The following AFDN variants were observed in gnomAD, a reference collection of about 807,000 sequenced individuals.
AFDN encodes the protein afadin, adherens junction formation factor.
A neutral mutation model predicts 216.6 loss-of-function variants in AFDN; 68 were observed. The observed-to-expected ratio is 0.31, with a 90% confidence interval of 0.26 to 0.38. The LOEUF is 0.38. Among genes scored for constraint, AFDN ranks in the 10% least tolerant of loss-of-function variants. The probability of loss-of-function intolerance (pLI) is 1.00; values close to 1 mark genes in which losing one functional copy is unlikely to be tolerated. For synonymous variants in AFDN, 868 were observed against 853.7 expected (o/e 1.02, Z -0.29); for missense variants, 2,136 against 2,342.0 (o/e 0.91, Z 1.82).
At chr6:167,866,914 G>A (rs1393335072) in intron 2 of AFDN, among the ~76,000 whole-genome samples, 2 of 152,176 alleles carry the variant, frequency 1.3e-5, no homozygotes, top group East Asian at 1.9e-4. Flanking sequence ...GTGAGCTAAA[G>A]CCCCAGCCCC....
chr6:167,829,217 A>G (rs1779554240), intron 1 of AFDN, among the ~76,000 whole-genome samples: 1 of 152,140 alleles, frequency 6.6e-6, no homozygotes, highest in Non-Finnish European at 1.5e-5. Flanking sequence ...AAGAATGTCC[A>G]TATATTGGTT....
chr6:167,877,127 T>C (rs1282307438), intron 5 of AFDN, among the ~76,000 whole-genome samples: 1 of 152,128 alleles, frequency 6.6e-6, no homozygotes, highest in Non-Finnish European at 1.5e-5. Context: ...TGAAGAAATA[T>C]TTAAGAGGTA....
intron 23 of AFDN, among the ~76,000 whole-genome samples, chr6:167,941,903 T>C (rs1402374723): frequency 6.6e-6 from 1 of 152,234 alleles, no homozygotes; most frequent in Admixed American, 6.5e-5. Context: ...AGAACTTTTA[T>C]AAACTTAGTT....
intron 11 of AFDN, among the ~76,000 whole-genome samples, chr6:167,898,973 G>C (rs1160783821): frequency 2.6e-5 from 4 of 152,096 alleles, no homozygotes; most frequent in Non-Finnish European, 5.9e-5. Flanking sequence ...TTTGTAGGTA[G>C]GGAATATGAC....
chr6:167,862,850 T>C (rs1261134051), intron 1 of AFDN, among the ~76,000 whole-genome samples: 2 of 152,188 alleles, frequency 1.3e-5, no homozygotes, highest in Non-Finnish European at 2.9e-5. Flanking sequence ...TCTTTAAGCT[T>C]TCTCAGGTCT....
chr6:167,925,055 G>A lies in AFDN; in HGVS notation c.3063G>A (p.Lys1021=), dbSNP rs1792331713. Residue 1021 remains lysine (K), a synonymous_variant, in exon 23 of 34, where the codon AAG becomes AAA. Coordinates refer to ENST00000683244, the MANE Select transcript of AFDN (RefSeq NM_001386888.1). ...AAATAATCACTGTGACCCTAAAAAA[G>A]CAGAATGGAATGGGCCTTAGCATTG... ...EPEIITVTLK[K]QNGMGLSIVA... 1 of 1,613,906 alleles carries A rather than the reference G, an allele frequency of 6.2e-7. No individual in the cohort carries two copies. The highest frequency in any genetic ancestry group is 8.5e-7 in the Non-Finnish European group (1 of 1,179,912).
rs146126263 is a variant in AFDN, at chr6:167,911,860, T to C, written c.2037+371T>C. On this transcript the variant is annotated intron_variant, in intron 15 of 33. Transcript: ENST00000683244. The stretch of plus-strand genomic sequence containing the variant: ...AGTCGCATTTGGTGCATTCACAGTG[T>C]TGTGCAGCCACCACCCCTGTCGGTT... 2.9e-3 allele frequency: 802 copies of C among 278,836 alleles called. 10 individuals are homozygous for C. Among genetic ancestry groups the C allele is most frequent in the African/African-American group, 0.016 (744 of 45,708 alleles). The allele number at this position is 278,836 out of a possible 1,614,324, so 17.3% of individuals were successfully genotyped here. A position where few individuals can be genotyped will look rare whatever the true frequency, so the allele number is the denominator to read the frequency against.
intron 18 of AFDN, 134 bp from the exon 19 acceptor site, chr6:167,915,034 A>G (rs886334557): frequency 1.1e-6 from 1 of 885,732 alleles, no homozygotes; most frequent in Non-Finnish European, 1.7e-6. Flanking sequence ...TCCTCTTGGA[A>G]TGAAGTTGAT....
intron 16 of AFDN, 112 bp downstream of exon 16, chr6:167,913,535 C>A: frequency 2.1e-6 from 2 of 954,060 alleles, no homozygotes; most frequent in Non-Finnish European, 3.2e-6. Flanking sequence ...TCATAACACT[C>A]ATTCAGCAAC....
Position 167,897,084 on chromosome 6 carries a change from T to TTAAATA in AFDN, c.1317+119_1317+124dup, listed in dbSNP as rs1184498615. The TTAAATA allele has an allele frequency of 3.6e-5, 18 of 496,142 alleles. No homozygotes were observed. In the East Asian group the frequency reaches 5.7e-4, roughly 16 times the overall value. 30.7% of individuals were successfully genotyped at this position (496,142 alleles called of 1,614,324 possible). A position where few individuals can be genotyped will look rare whatever the true frequency, so the allele number is the denominator to read the frequency against. The stretch of plus-strand genomic sequence containing the variant: ...AGGAATTATAATTACCGACTTGTAT[T>TTAAATA]TAAATATAAATAATTTATCTACTCT... On this transcript the variant is annotated intron_variant, in intron 10 of 33. Transcript: ENST00000683244.
chr6:167,966,122 C>A (rs1254394126), intron 32 of AFDN, 77 bp downstream of exon 32: 3 of 1,535,818 alleles, frequency 2.0e-6, no homozygotes, highest in Non-Finnish European at 2.6e-6. Flanking sequence ...GGCCACCCCC[C>A]TGCCAGCCAC....
At position 167,872,264 on chromosome 6, in the gene AFDN, G is replaced by T. The variant is rs1784876931; in HGVS notation, c.465G>T (p.Gln155His). 6.2e-7 allele frequency: 1 copy of T among 1,613,436 alleles called. No individual in the cohort carries two copies. Among genetic ancestry groups the T allele is most frequent in the Non-Finnish European group, 8.5e-7 (1 of 1,179,844 alleles). The change falls in exon 4 of 34, where the codon CAG (glutamine) becomes CAT (histidine). Residue 155 changes from glutamine (Q) to histidine (H), a missense_variant. This residue lies in a region of AFDN where 817 missense variants were observed against 965.7 expected (regional missense o/e 0.85). Transcript: ENST00000683244. ...PEKQEKEGVI[Q>H]NFKRTLSKKE... ...AGCAGGAAAAAGAAGGGGTTATCCA[G>T]AACTTCAAGAGAACTCTCTCAAAGA...
intron 1 of AFDN, among the ~76,000 whole-genome samples, chr6:167,861,565 C>T (rs1783577595): frequency 6.6e-6 from 1 of 152,056 alleles, no homozygotes; most frequent in South Asian, 2.1e-4. Context: ...TTTGCAGTTT[C>T]CTTTTTTACA....
Position 167,948,369 on chromosome 6 carries a change from C to T in AFDN, c.3722C>T (p.Pro1241Leu), listed in dbSNP as rs770271244. Reference sequence around the variant, plus strand: ...TACACCAGAGAGTATTTTACCTTCCCAGCTTCCAAATCCCAGGATCGGATG... The same window carrying T: ...TACACCAGAGAGTATTTTACCTTCCTAGCTTCCAAATCCCAGGATCGGATG... ...QTYTREYFTF[P>L]ASKSQDRMAP... Residue 1241 changes from proline (P) to leucine (L), a missense_variant, in exon 29 of 34, where the codon CCA (proline) becomes CTA (leucine). Physicochemically the swap from Pro to Leu is moderately conservative, Grantham distance 98. Coordinates refer to ENST00000683244, the MANE Select transcript of AFDN (RefSeq NM_001386888.1). 1.2e-5 allele frequency: 20 copies of T among 1,614,050 alleles called. No homozygotes were observed. Among genetic ancestry groups the T allele is most frequent in the Non-Finnish European group, 3.4e-6 (4 of 1,180,042 alleles).
chr6:167,833,926 TTC>T (rs1169381509), intron 1 of AFDN, among the ~76,000 whole-genome samples: 2 of 152,328 alleles, frequency 1.3e-5, no homozygotes, highest in Admixed American at 6.5e-5. Context: ...CCAAATAAAC[TTC>T]TGAGTGCTGC....
chr6:167,966,946 A>G (rs2128768701), intron 32 of AFDN, among the ~76,000 whole-genome samples: 1 of 152,310 alleles, frequency 6.6e-6, no homozygotes, highest in South Asian at 2.1e-4. Flanking sequence ...TAGTAACACC[A>G]GCAGCCAGAC....
intron 19 of AFDN, among the ~76,000 whole-genome samples, chr6:167,916,122 C>G (rs951669041): frequency 6.6e-6 from 1 of 152,204 alleles, no homozygotes; most frequent in Non-Finnish European, 1.5e-5. Context: ...TTCAGGCCTT[C>G]CCCCTAGCTT....
At chr6:167,937,650 A>T (rs540089298) in intron 23 of AFDN, among the ~76,000 whole-genome samples, 2 of 152,360 alleles carry the variant, frequency 1.3e-5, no homozygotes, top group African/African-American at 4.8e-5. Context: ...TAGAATTCAG[A>T]TAAATTCTGA....
At position 167,951,676 on chromosome 6, in the gene AFDN, G is replaced by T. The variant is rs369365884; in HGVS notation, c.4322G>T (p.Arg1441Leu). The T allele has an allele frequency of 3.1e-6, 5 of 1,613,734 alleles. No individual in the cohort carries two copies. The highest frequency in any genetic ancestry group is 1.7e-5 in the Admixed American group (1 of 59,994). ...CTGGAGGAGGAGCGGGAGAGGAAGCGGAGAGAGCAGGAGAGGAAGTTGGGC... is the reference window on the plus strand; with the variant it reads ...CTGGAGGAGGAGCGGGAGAGGAAGCTGAGAGAGCAGGAGAGGAAGTTGGGC... ...ARLEEERERK[R>L]REQERKLGQM... The change falls in exon 30 of 34, where the codon CGG becomes CTG. Residue 1441 changes from arginine (R) to leucine (L), a missense_variant. Arg to Leu is a moderately radical substitution (Grantham distance 102). Around this residue, in one of 8 missense-constraint regions of AFDN, gnomAD observed 981 missense variants for 966.0 expected, o/e 1.02. Coordinates refer to ENST00000683244, the MANE Select transcript of AFDN (RefSeq NM_001386888.1). The surrounding 1 kb of genome is among the most constrained non-coding windows in gnomAD (Gnocchi z 7.1).
Sources: gnomAD v4.1 joint callset for allele counts (sites outside exome capture counted in the v4.1 genomes callset) on GRCh38, gnomAD v4.1.1 for gene constraint, gnomAD v4.1.1 regional missense constraint, Gnocchi (gnomAD v3.1) non-coding constraint, MANE v1.5 for transcripts, NCBI Gene and HGNC (gene_info 2026-07-23, HGNC 2026-07-21) for gene names.